Variants in ATG7 observed in about 807,000 individuals in gnomAD.
ATG7 encodes autophagy related 7, also known as ubiquitin-like modifier-activating enzyme ATG7.
A neutral mutation model predicts 82.4 loss-of-function variants in ATG7; 70 were observed. The observed-to-expected ratio is 0.85, with a 90% CI of 0.70 to 1.04. The LOEUF is 1.04. Ranked by LOEUF, ATG7 falls within the 50% of genes least tolerant of loss-of-function variation. The probability of loss-of-function intolerance (pLI) is 0.00; values close to 1 mark genes in which losing one functional copy is unlikely to be tolerated. For missense variants in ATG7, 792 were observed against 864.3 expected, an observed-to-expected ratio of 0.92 and a Z score of 1.05; for synonymous variants, 287 against 313.0, an observed-to-expected ratio of 0.92 and a Z score of 0.88.
At chr3:11,563,144 T>C in the ATG7 span, among the ~76,000 whole-genome samples, 3 of 152,338 alleles carry the variant, frequency 2.0e-5, no homozygotes, top group Non-Finnish European at 2.9e-5. Flanking sequence ...ACCCTGACCA[T>C]GTGGGCAGAG....
chr3:11,426,387 A>G (rs2082364586), intron 19 of ATG7, among the ~76,000 whole-genome samples: 2 of 152,102 alleles, frequency 1.3e-5, no homozygotes, highest in South Asian at 4.1e-4. Context: ...TTAAAAATAT[A>G]TTTGGCTAGC....
intron 5 of ATG7, among the ~76,000 whole-genome samples, chr3:11,300,891 G>A (rs1946680256): frequency 1.3e-5 from 2 of 152,192 alleles, no homozygotes; most frequent in South Asian, 4.1e-4. Context: ...AGGGAGGCTA[G>A]ACTAAGCTAT....
chr3:11,570,843 A>G, the ATG7 span, among the ~76,000 whole-genome samples: 15 of 152,072 alleles, frequency 9.9e-5, no homozygotes, highest in African/African-American at 3.4e-4. Context: ...ACCCCACAAC[A>G]CACACACAGG....
intron 20 of ATG7, among the ~76,000 whole-genome samples, chr3:11,456,117 G>A (rs1276902351): frequency 6.6e-6 from 1 of 152,078 alleles, no homozygotes; most frequent in African/African-American, 2.4e-5. Flanking sequence ...CCCTGCTAAA[G>A]AGCAGTCATC....
chr3:11,480,296 A>T (rs1247018275), intron 20 of ATG7, among the ~76,000 whole-genome samples: 5 of 152,040 alleles, frequency 3.3e-5, no homozygotes, highest in Non-Finnish European at 7.4e-5. Flanking sequence ...GCACTTTGGG[A>T]GGCTGAGGTG....
At chr3:11,550,785 T>G (rs967519653) in intron 20 of ATG7, among the ~76,000 whole-genome samples, 4 of 152,150 alleles carry the variant, frequency 2.6e-5, no homozygotes, top group African/African-American at 9.7e-5. Context: ...TTGACTGTTT[T>G]CCCGTGCATA....
chr3:11,446,466 C>G (rs1317911001), intron 20 of ATG7: 2 of 421,890 alleles, frequency 4.7e-6, no homozygotes, highest in Admixed American at 2.9e-5. Flanking sequence ...GGAAACTTGG[C>G]GTCATCATTC....
At chr3:11,442,064 A>G (rs1167097767) in intron 20 of ATG7, among the ~76,000 whole-genome samples, 2 of 152,102 alleles carry the variant, frequency 1.3e-5, no homozygotes, top group Non-Finnish European at 2.9e-5. Context: ...CGACTTCACA[A>G]AGTTCTGAGA....
At chr3:11,538,130 G>A (rs59791121) in intron 20 of ATG7, among the ~76,000 whole-genome samples, 2,187 of 152,280 alleles carry the variant, frequency 0.014, 38 homozygotes, top group African/African-American at 0.049. Context: ...GGAACCTGAC[G>A]GAAGGTTGGT....
At position 11,364,686 on chromosome 3, in the gene ATG7, C is replaced by T. The variant is rs201411636; in HGVS notation, c.1827C>T (p.Asp609=). 5.8e-4 allele frequency: 940 copies of T among 1,614,148 alleles called. 10 individuals carry two copies. In the South Asian group the frequency reaches 9.6e-3, roughly 17 times the overall value. The change falls in exon 18 of 21, where the codon GAC becomes GAT. Residue 609 remains aspartate, a synonymous_variant. Transcript: ENST00000693202. ...GCTATGCCATTGCCAGCAGCAGTGA[C>T]GATCGGATGAATGAGCCTCCAACCT... ...EGGYAIASSS[D]DRMNEPPTSL...
At chr3:11,296,955 A>G (rs1182106677) in intron 3 of ATG7, among the ~76,000 whole-genome samples, 1 of 152,198 alleles carries the variant, frequency 6.6e-6, no homozygotes, top group Non-Finnish European at 1.5e-5. Context: ...AAAGCTCCTT[A>G]TCTCTAATTC....
At chr3:11,448,190 G>A (rs1469409017) in intron 20 of ATG7, among the ~76,000 whole-genome samples, 1 of 152,192 alleles carries the variant, frequency 6.6e-6, no homozygotes, top group Non-Finnish European at 1.5e-5. Context: ...TAGCTGCACA[G>A]TCTTCCTTAC....
At chr3:11,573,280 AAAGAAAG>A in the ATG7 span, among the ~76,000 whole-genome samples, 1 of 10,628 alleles carries the variant, frequency 9.4e-5, no homozygotes, top group African/African-American at 7.8e-4. Flanking sequence ...AGAAAGAAAG[AAAGAAAG>A]AAAGAAAGAA....
intron 19 of ATG7, among the ~76,000 whole-genome samples, chr3:11,393,224 A>G (rs1241807614): frequency 6.6e-6 from 1 of 152,156 alleles, no homozygotes; most frequent in Non-Finnish European, 1.5e-5. Context: ...CAACACATAT[A>G]TATATTGAAT....
intron 7 of ATG7, among the ~76,000 whole-genome samples, chr3:11,312,991 G>T (rs1451461450): frequency 6.6e-6 from 1 of 152,078 alleles, no homozygotes; most frequent in Non-Finnish European, 1.5e-5. Context: ...CTCCCAGGGG[G>T]GTTTTGTAGG....
intron 20 of ATG7, chr3:11,446,396 A>C: frequency 9.3e-6 from 3 of 323,058 alleles, no homozygotes; most frequent in Non-Finnish European, 1.8e-5. Context: ...TTGTAAGACT[A>C]TAATCTACTT....
chr3:11,443,238 C>T (rs2084176519), intron 20 of ATG7, among the ~76,000 whole-genome samples: 1 of 152,180 alleles, frequency 6.6e-6, no homozygotes, highest in Non-Finnish European at 1.5e-5. Context: ...TGTCTACTTC[C>T]CCATGAGATC....
In ATG7 at chr3:11,320,165, C is replaced by T. The variant is rs80070250; in HGVS notation, c.678+4672C>T. ...CTCTCTCTTTTCTTTACTTCTACCC[C>T]TCCCTCCCCCTACCTCCCCTTTGCT... On this transcript the variant is annotated intron_variant, in intron 9 of 20. Transcript: ENST00000693202. 6.9e-3 allele frequency among the ~76,000 whole-genome samples: 1,052 copies of T among 152,114 alleles called. 10 individuals are homozygous for T. The highest frequency in any genetic ancestry group is 0.024 in the African/African-American group (998 of 41,498).
At chr3:11,490,706 T>G (rs550468362) in intron 20 of ATG7, among the ~76,000 whole-genome samples, 31 of 152,048 alleles carry the variant, frequency 2.0e-4, no homozygotes, top group East Asian at 1.9e-3. Context: ...GTCTGTAAAG[T>G]ATTTTATTTC....
Sources: gnomAD v4.1 joint callset for allele counts (sites outside exome capture counted in the v4.1 genomes callset) on GRCh38, gnomAD v4.1.1 for gene constraint, MANE v1.5 for transcripts, NCBI Gene and HGNC (gene_info 2026-07-23, HGNC 2026-07-21) for gene names.